CCDC7: variants seen among roughly 807,000 people sequenced by gnomAD.
CCDC7 encodes coiled-coil domain-containing protein 7.
CCDC7 carries 183 observed loss-of-function variants against 196.9 expected under a neutral mutation model. The observed-to-expected ratio is 0.93, with a 90% CI of 0.82 to 1.05. The LOEUF is 1.05. CCDC7 is among the 50% of genes least tolerant of loss of function. The pLI is 0.00. For missense variants in CCDC7, 1,540 were observed against 1,482.2 expected, an observed-to-expected ratio of 1.04 and a Z score of -0.64; for synonymous variants, 525 against 484.6, an observed-to-expected ratio of 1.08 and a Z score of -1.10.
chr10:32,811,888 A>G (rs182362571), intron 30 of CCDC7, among the ~76,000 whole-genome samples: 53 of 152,296 alleles, frequency 3.5e-4, no homozygotes, highest in Non-Finnish European at 5.7e-4. Context: ...AGTTGGATCT[A>G]TCCCACGGAT....
chr10:32,817,414 T>C (rs1319595955), intron 31 of CCDC7, among the ~76,000 whole-genome samples: 4 of 152,022 alleles, frequency 2.6e-5, no homozygotes, highest in Non-Finnish European at 5.9e-5. Context: ...AAACACTCTG[T>C]AGGATATTAT....
At chr10:32,615,263 C>T (rs548746161) in intron 18 of CCDC7, among the ~76,000 whole-genome samples, 1 of 152,196 alleles carries the variant, frequency 6.6e-6, no homozygotes, top group South Asian at 2.1e-4. Context: ...TATGATTTTC[C>T]ATAAAGGTTG....
chr10:32,845,732 C>T, intron 35 of CCDC7, 106 bp downstream of exon 36: 1 of 1,163,224 alleles, frequency 8.6e-7, no homozygotes, highest in Non-Finnish European at 1.3e-6. Flanking sequence ...GTTGGTATTA[C>T]ACAGGTAAAA....
intron 21 of CCDC7, among the ~76,000 whole-genome samples, chr10:32,665,567 G>C (rs2072488313): frequency 6.6e-6 from 1 of 151,894 alleles, no homozygotes. Context: ...TTTTATTCCA[G>C]TGATCTACAT....
At chr10:32,812,125 C>T (rs1593012063) in intron 30 of CCDC7, among the ~76,000 whole-genome samples, 1 of 151,920 alleles carries the variant, frequency 6.6e-6, no homozygotes, top group Non-Finnish European at 1.5e-5. Context: ...GATGATAAAT[C>T]GCTGAGGTGA....
At chr10:32,702,182 C>G (rs1399757630) in intron 24 of CCDC7, among the ~76,000 whole-genome samples, 1 of 152,114 alleles carries the variant, frequency 6.6e-6, no homozygotes, top group East Asian at 1.9e-4. Flanking sequence ...CCTCTACACA[C>G]TGCTTTGAAT....
intron 28 of CCDC7, among the ~76,000 whole-genome samples, chr10:32,769,304 T>G (rs1427226942): frequency 6.6e-6 from 1 of 152,150 alleles, no homozygotes; most frequent in Admixed American, 6.5e-5. Context: ...TAGTTATTCA[T>G]GTACTCTGAT....
intron 14 of CCDC7, among the ~76,000 whole-genome samples, chr10:32,567,063 C>CTAATATA (rs1554853370): frequency 7.0e-6 from 1 of 141,954 alleles, no homozygotes; most frequent in East Asian, 2.0e-4. Flanking sequence ...ATATATATAG[C>CTAATATA]TAATATATAA....
At chr10:32,576,547 CTTTTT>C (rs1292038601) in intron 16 of CCDC7, among the ~76,000 whole-genome samples, 1 of 116,868 alleles carries the variant, frequency 8.6e-6, no homozygotes, top group Non-Finnish European at 1.8e-5. Context: ...GCCTGTGTGT[CTTTTT>C]TTTTTTTTTT....
chr10:32,497,495 T>G (rs1185733975), intron 9 of CCDC7, among the ~76,000 whole-genome samples: 2 of 152,198 alleles, frequency 1.3e-5, no homozygotes, highest in Non-Finnish European at 2.9e-5. Flanking sequence ...GGGTGTTGGT[T>G]TTAGATCTTG....
At chr10:32,534,897 G>C (rs915645927) in intron 11 of CCDC7, among the ~76,000 whole-genome samples, 12 of 152,108 alleles carry the variant, frequency 7.9e-5, no homozygotes, top group Non-Finnish European at 1.6e-4. Context: ...CAGTCATAAT[G>C]CTTCCTGAGG....
intron 20 of CCDC7, among the ~76,000 whole-genome samples, chr10:32,654,208 ATAT>A (rs1296136083): frequency 6.6e-6 from 1 of 152,152 alleles, no homozygotes; most frequent in African/African-American, 2.4e-5. Flanking sequence ...TCACAGTGAG[ATAT>A]TATTACACTT....
At chr10:32,666,017 A>G (rs538165513) in intron 21 of CCDC7, among the ~76,000 whole-genome samples, 3 of 151,968 alleles carry the variant, frequency 2.0e-5, no homozygotes, top group African/African-American at 7.2e-5. Flanking sequence ...AGAGTATAGG[A>G]ACACTACTAA....
At chr10:32,669,272 G>C (rs942594995) in intron 21 of CCDC7, among the ~76,000 whole-genome samples, 1 of 152,036 alleles carries the variant, frequency 6.6e-6, no homozygotes, top group African/African-American at 2.4e-5. Context: ...ATTCTTCTTT[G>C]AATGTGCTGT....
chr10:32,838,152 G>A (rs1165385535), intron 33 of CCDC7, among the ~76,000 whole-genome samples: 1 of 152,022 alleles, frequency 6.6e-6, no homozygotes, highest in Admixed American at 6.6e-5. Flanking sequence ...CATAAAGGGG[G>A]TATAGTGACA....
chr10:32,807,521 A>G lies in CCDC7; in HGVS notation c.3097+2423A>G, dbSNP rs368575569. 8.5e-5 allele frequency among the ~76,000 whole-genome samples: 13 copies of G among 152,098 alleles called. No homozygotes were observed. The East Asian group carries it at 1.9e-3, about 23-fold the overall frequency. ...ATTTCAAATAGATCGTCTAATCAGGAACACTAGAATTCAGCAGAGAATTAA... is the reference window on the plus strand; with the variant it reads ...ATTTCAAATAGATCGTCTAATCAGGGACACTAGAATTCAGCAGAGAATTAA... On this transcript the variant is annotated intron_variant, in intron 30 of 41. Transcript: ENST00000639629.
chr10:32,842,789 G>T (rs2136121586), intron 33 of CCDC7, among the ~76,000 whole-genome samples: 1 of 152,194 alleles, frequency 6.6e-6, no homozygotes, highest in South Asian at 2.1e-4. Flanking sequence ...AATGGCATTT[G>T]CAGCAACCTG....
chr10:32,608,925 C>T (rs1278438134), intron 18 of CCDC7, among the ~76,000 whole-genome samples: 1 of 152,110 alleles, frequency 6.6e-6, no homozygotes, highest in East Asian at 1.9e-4. Flanking sequence ...TTGTAGTTTC[C>T]AAAGATCCTC....
intron 13 of CCDC7, among the ~76,000 whole-genome samples, chr10:32,549,812 A>G (rs887761995): frequency 6.6e-6 from 1 of 152,136 alleles, no homozygotes; most frequent in Middle Eastern, 3.4e-3. Flanking sequence ...TTTGGTGACT[A>G]TGGCCTTATA....
Sources: gnomAD v4.1 joint callset for allele counts (sites outside exome capture counted in the v4.1 genomes callset) on GRCh38, gnomAD v4.1.1 for gene constraint, MANE v1.5 for transcripts, NCBI Gene and HGNC (gene_info 2026-07-23, HGNC 2026-07-21) for gene names.